Variants in SCAPER observed in about 807,000 individuals in gnomAD.
SCAPER encodes the protein S phase cyclin A-associated protein in the endoplasmic reticulum.
A neutral mutation model predicts 182.2 loss-of-function variants in SCAPER; 98 were observed. The ratio of observed to expected loss-of-function variants is 0.54; its 90% confidence interval spans 0.46 to 0.64. The LOEUF (loss-of-function observed/expected upper bound fraction) is 0.64, where lower values mean the gene tolerates loss of function less well. Ranked by LOEUF, SCAPER falls within the 30% of genes least tolerant of loss-of-function variation. The pLI, the probability that SCAPER is intolerant of heterozygous loss-of-function variation, is 0.00. For synonymous variants in SCAPER, 605 were observed against 564.6 expected (o/e 1.07, Z -1.01); for missense variants, 1,432 against 1,690.0 (o/e 0.85, Z 2.68).
chr15:76,793,574 T>C (rs765582127), intron 8 of SCAPER, among the ~76,000 whole-genome samples: 11 of 152,238 alleles, frequency 7.2e-5, no homozygotes, highest in Non-Finnish European at 1.6e-4. Context: ...AATGTCTGGA[T>C]AGCTGAACAC....
intron 17 of SCAPER, among the ~76,000 whole-genome samples, chr15:76,721,831 G>A (rs1336381248): frequency 6.6e-6 from 1 of 152,168 alleles, no homozygotes; most frequent in Non-Finnish European, 1.5e-5. Flanking sequence ...TTTGGGCTGA[G>A]ACGATGGGGT....
intron 14 of SCAPER, among the ~76,000 whole-genome samples, chr15:76,762,825 G>C (rs2062872732): frequency 6.6e-6 from 1 of 151,952 alleles, no homozygotes; most frequent in Non-Finnish European, 1.5e-5. Context: ...TTTTTTTGTT[G>C]TTCCTTATTT....
chr15:76,734,093 T>C (rs975495601), intron 15 of SCAPER, among the ~76,000 whole-genome samples: 3 of 152,216 alleles, frequency 2.0e-5, no homozygotes, highest in Non-Finnish European at 4.4e-5. Flanking sequence ...CTAATGAGTT[T>C]GAAAGGACAA....
At chr15:76,605,446 T>A (rs539681678) in intron 22 of SCAPER, among the ~76,000 whole-genome samples, 67 of 152,306 alleles carry the variant, frequency 4.4e-4, no homozygotes, top group African/African-American at 1.5e-3. Context: ...TGAGGATTTT[T>A]GCATCAATGT....
intron 5 of SCAPER, among the ~76,000 whole-genome samples, chr15:76,824,720 C>A (rs184280217): frequency 7.5e-6 from 1 of 133,668 alleles, no homozygotes; most frequent in East Asian, 2.9e-4. Context: ...TTCAATCACT[C>A]ATTTTTTTAA....
intron 23 of SCAPER, among the ~76,000 whole-genome samples, chr15:76,573,789 G>A (rs1306928952): frequency 6.6e-6 from 1 of 151,976 alleles, no homozygotes; most frequent in Non-Finnish European, 1.5e-5. Context: ...GGGGATATTG[G>A]TGTTTTGTAG....
At chr15:76,833,404 T>C (rs913814937) in intron 5 of SCAPER, among the ~76,000 whole-genome samples, 1 of 151,902 alleles carries the variant, frequency 6.6e-6, no homozygotes, top group Non-Finnish European at 1.5e-5. Flanking sequence ...GAAAAAACAA[T>C]AAGTGCCACC....
chr15:76,711,591 CAA>C (rs1182662472), intron 17 of SCAPER, among the ~76,000 whole-genome samples: 2 of 152,068 alleles, frequency 1.3e-5, no homozygotes, highest in African/African-American at 4.8e-5. Flanking sequence ...GTAAAATGAA[CAA>C]ACACTATGAA....
In SCAPER at chr15:76,744,685, G is replaced by A. The variant is rs182620370; in HGVS notation, c.1866+9123C>T. Among the ~76,000 whole-genome samples, 47 of 152,290 alleles carry A rather than the reference G, an allele frequency of 3.1e-4. No homozygotes were observed. In the East Asian group the frequency reaches 8.9e-3, roughly 29 times the overall value. On this transcript the variant is annotated intron_variant, in intron 15 of 31. Coordinates refer to ENST00000563290, the MANE Select transcript of SCAPER (RefSeq NM_020843.4). ...GGGAACGCTTATACACTGTTGGTGGGAATGTAAATTAGTTCAGCCACTGTG... is the reference window on the plus strand; with the variant it reads ...GGGAACGCTTATACACTGTTGGTGGAAATGTAAATTAGTTCAGCCACTGTG...
intron 22 of SCAPER, among the ~76,000 whole-genome samples, chr15:76,595,819 T>C (rs566088879): frequency 8.2e-6 from 1 of 122,280 alleles, no homozygotes; most frequent in East Asian, 2.2e-4. Context: ...AAGCAGAGTT[T>C]AGAGGGAAAT....
At chr15:76,651,629 C>CAA (rs552478551) in intron 21 of SCAPER, among the ~76,000 whole-genome samples, 5,531 of 94,518 alleles carry the variant, frequency 0.059, 141 homozygotes, top group South Asian at 0.13. Flanking sequence ...ACCTACCAAC[C>CAA]AAAAAAAAAA....
At chr15:76,362,066 G>A (rs145214186) in intron 29 of SCAPER, among the ~76,000 whole-genome samples, 2,379 of 151,710 alleles carry the variant, frequency 0.016, 45 homozygotes, top group African/African-American at 0.048. Context: ...TCCACCTCCC[G>A]GGTTCAAGCG....
intron 1 of SCAPER, among the ~76,000 whole-genome samples, chr15:76,902,743 T>C (rs1008711681): frequency 1.3e-5 from 2 of 152,152 alleles, no homozygotes; most frequent in Admixed American, 6.5e-5. Context: ...TTAAAACTAG[T>C]CTGGGCTGTG....
rs1555456896 is a variant in SCAPER at position 76,497,124 on chromosome 15, T to TC, written c.2954+7734dup. Among the ~76,000 whole-genome samples the TC allele has an allele frequency of 2.9e-5, 4 of 139,426 alleles. 1 individual carries two copies. Among genetic ancestry groups the TC allele is most frequent in the East Asian group, 2.0e-4 (1 of 4,890 alleles). 91.5% of individuals were successfully genotyped at this position (139,426 alleles called of 152,430 possible). On this transcript the variant is annotated intron_variant, in intron 24 of 31. Transcript: ENST00000563290. ...TTGGTCTCCTCTTTTTTTTTTTTTT[T>TC]CCCAAAACGGCCTTCCTTAGTCCTG...
intron 23 of SCAPER, among the ~76,000 whole-genome samples, chr15:76,542,413 C>T (rs191915639): frequency 1.9e-3 from 289 of 151,994 alleles, no homozygotes; most frequent in Admixed American, 5.0e-3. Flanking sequence ...ATCCCAGCTA[C>T]TTGGGAGGCT....
intron 6 of SCAPER, among the ~76,000 whole-genome samples, chr15:76,803,873 G>A (rs1382409757): frequency 6.6e-6 from 1 of 151,902 alleles, no homozygotes; most frequent in Non-Finnish European, 1.5e-5. Flanking sequence ...CATGAAGGCA[G>A]GGACTGCATC....
At chr15:76,754,768 C>A (rs550160058) in intron 14 of SCAPER, among the ~76,000 whole-genome samples, 1 of 152,194 alleles carries the variant, frequency 6.6e-6, no homozygotes, top group South Asian at 2.1e-4. Context: ...TAGCACTATA[C>A]TAAGAGCCAG....
At chr15:76,439,977 T>C (rs2047449861) in intron 25 of SCAPER, among the ~76,000 whole-genome samples, 1 of 152,254 alleles carries the variant, frequency 6.6e-6, no homozygotes, top group African/African-American at 2.4e-5. Context: ...CTTACTCTTA[T>C]AATAGCAGCT....
At chr15:76,779,455 G>T (rs2063954300) in intron 8 of SCAPER, among the ~76,000 whole-genome samples, 1 of 151,920 alleles carries the variant, frequency 6.6e-6, no homozygotes, top group Non-Finnish European at 1.5e-5. Context: ...GGAATAAATG[G>T]ATCAATCCCA....
Sources: allele counts gnomAD v4.1 joint callset (sites outside exome capture counted in the v4.1 genomes callset), GRCh38; gene constraint gnomAD v4.1.1; transcripts MANE v1.5; gene names NCBI Gene and HGNC (gene_info 2026-07-23, HGNC 2026-07-21).